Variants in PCDHA1 observed in about 807,000 individuals in gnomAD.
The protein encoded by PCDHA1 is protocadherin alpha 1, also known as protocadherin alpha-1.
A neutral mutation model predicts 61.3 loss-of-function variants in PCDHA1; 42 were observed. The observed-to-expected ratio is 0.69, with a 90% CI of 0.54 to 0.89. PCDHA1 has a LOEUF of 0.89. PCDHA1 is among the 40% of genes least tolerant of loss of function. PCDHA1 has a pLI of 0.00. For synonymous variants in PCDHA1, 610 were observed against 553.8 expected (o/e 1.10, Z -1.43); for missense variants, 1,256 against 1,235.3 (o/e 1.02, Z -0.25).
At chr5:140,872,336 A>G (rs1554166138) in intron 1 of PCDHA1, among the ~76,000 whole-genome samples, 1 of 152,144 alleles carries the variant, frequency 6.6e-6, no homozygotes, top group African/African-American at 2.4e-5. Context: ...CTAAAATTCT[A>G]CATGTTCTTG....
At chr5:140,957,339 TGAGA>T (rs2095352193) in intron 1 of PCDHA1, among the ~76,000 whole-genome samples, 1 of 152,152 alleles carries the variant, frequency 6.6e-6, no homozygotes, top group African/African-American at 2.4e-5. Context: ...TAAGATATTT[TGAGA>T]GAGAGACCAC....
intron 2 of PCDHA1, among the ~76,000 whole-genome samples, chr5:140,981,654 A>ATTTCTTCCTTCC (rs563193906): frequency 2.0e-5 from 3 of 152,026 alleles, no homozygotes; most frequent in Non-Finnish European, 2.9e-5. Context: ...GATCCCACTT[A>ATTTCTTCCTTCC]TTTCTTCCTT....
chr5:140,840,432 C>T (rs1458512943), intron 1 of PCDHA1, among the ~76,000 whole-genome samples: 2 of 151,722 alleles, frequency 1.3e-5, no homozygotes, highest in Non-Finnish European at 2.9e-5. Flanking sequence ...TAGTTTAAAG[C>T]CGTGGAAATA....
At chr5:140,828,179 C>G (rs1377583653) in intron 1 of PCDHA1, 3 of 1,614,168 alleles carry the variant, frequency 1.9e-6, no homozygotes, top group Non-Finnish European at 2.5e-6. Context: ...GGGGAGCGGC[C>G]AGCTCCACTA....
At chr5:140,858,018 C>T in intron 1 of PCDHA1, 1 of 1,596,908 alleles carries the variant, frequency 6.3e-7, no homozygotes, top group Non-Finnish European at 8.6e-7. Context: ...GGCGAGCCGT[C>T]GCTGACGGCC....
At chr5:140,897,130 C>A (rs913808184) in intron 1 of PCDHA1, among the ~76,000 whole-genome samples, 11 of 152,118 alleles carry the variant, frequency 7.2e-5, no homozygotes, top group Non-Finnish European at 5.9e-5. Flanking sequence ...CCCCACTAAA[C>A]TTTCTAGCCT....
intron 3 of PCDHA1, among the ~76,000 whole-genome samples, chr5:140,999,748 G>A (rs1563643254): frequency 1.3e-5 from 2 of 152,188 alleles, no homozygotes; most frequent in South Asian, 2.1e-4. Flanking sequence ...ATCTGGGTTC[G>A]CAGCACATGA....
chr5:140,965,445 G>T (rs1460508023), intron 1 of PCDHA1, among the ~76,000 whole-genome samples: 1 of 151,794 alleles, frequency 6.6e-6, no homozygotes, highest in Non-Finnish European at 1.5e-5. Flanking sequence ...TGAAATTGCT[G>T]GTTATTGTAA....
intron 1 of PCDHA1, chr5:140,816,711 T>C (rs2126674379): frequency 6.6e-6 from 1 of 152,182 alleles, no homozygotes; most frequent in African/African-American, 2.4e-5. Context: ...GGCTAGAGAT[T>C]CTAGGGACCT....
chr5:140,965,331 G>T (rs2153743444), intron 1 of PCDHA1, among the ~76,000 whole-genome samples: 1 of 152,252 alleles, frequency 6.6e-6, no homozygotes, highest in Non-Finnish European at 1.5e-5. Context: ...AAGTGAATTT[G>T]TTGTCTCTGT....
At chr5:140,996,597 C>G (rs183031992) in intron 3 of PCDHA1, among the ~76,000 whole-genome samples, 47 of 152,304 alleles carry the variant, frequency 3.1e-4, no homozygotes, top group African/African-American at 1.1e-3. Context: ...CGCCTCCCCC[C>G]ATTTTCATTT....
At chr5:141,005,718 A>T (rs1554260304) in intron 3 of PCDHA1, among the ~76,000 whole-genome samples, 1 of 149,548 alleles carries the variant, frequency 6.7e-6, no homozygotes, top group Non-Finnish European at 1.5e-5. Context: ...AAAAAAAAAA[A>T]AAAAAAAAAA....
intron 1 of PCDHA1, among the ~76,000 whole-genome samples, chr5:140,973,020 T>A (rs1057155557): frequency 6.6e-6 from 1 of 152,120 alleles, no homozygotes; most frequent in Non-Finnish European, 1.5e-5. Flanking sequence ...TTGTGATTGT[T>A]AATGAGTCAC....
At chr5:140,884,148 A>G in intron 1 of PCDHA1, 3 of 1,613,432 alleles carry the variant, frequency 1.9e-6, no homozygotes, top group Non-Finnish European at 2.5e-6. Context: ...GTGGGGCTGT[A>G]CACTGGCGAG....
intron 1 of PCDHA1, chr5:140,834,491 C>T (rs2150219703): frequency 1.2e-6 from 2 of 1,614,110 alleles, no homozygotes; most frequent in South Asian, 1.1e-5. Context: ...ACTCGGTCCC[C>T]GAGGAGGCTA....
intron 1 of PCDHA1, chr5:140,857,484 G>T (rs1044921765): frequency 6.3e-7 from 1 of 1,598,534 alleles, no homozygotes; most frequent in Admixed American, 1.7e-5. Context: ...GTGTCTGCGT[G>T]GGACGCGGAC....
rs35680913 is a variant in PCDHA1 at position 140,961,887 on chromosome 5, GT to G, written c.2395-17048del. Among the ~76,000 whole-genome samples, 881 of 143,912 alleles carry G rather than the reference GT, an allele frequency of 6.1e-3. 6 individuals carry two copies. The highest frequency in any genetic ancestry group is 0.018 in the African/African-American group (705 of 39,388). The allele number at this position is 143,912 out of a possible 152,430, so 94.4% of individuals were successfully genotyped here. ...ACAGATAATTGACTTACTTACATCA[GT>G]TTTTTTTTTTTTTGAGATGGAGTCT... On this transcript the variant is annotated intron_variant, in intron 1 of 3. Coordinates refer to ENST00000504120, the MANE Select transcript of PCDHA1 (RefSeq NM_018900.4).
intron 1 of PCDHA1, chr5:140,882,928 C>T: frequency 6.2e-7 from 1 of 1,614,140 alleles, no homozygotes; most frequent in Non-Finnish European, 8.5e-7. Context: ...GAGGTAAACC[C>T]GAGCTGACTG....
chr5:140,829,466 G>T lies in PCDHA1; in HGVS notation c.2394+40782G>T, dbSNP rs2150168443. The T allele has an allele frequency of 1.9e-6, 3 of 1,613,882 alleles. No homozygotes were observed. The South Asian group carries it at 3.3e-5, about 18-fold the overall frequency. ...CAATGCTCCGGCGTTCGCGCAGCCC[G>T]AGTACACAGTGTTCGTGAAGGAGAA... On this transcript the variant is annotated intron_variant, in intron 1 of 3. Coordinates refer to ENST00000504120, the MANE Select transcript of PCDHA1 (RefSeq NM_018900.4).
Sources: allele counts gnomAD v4.1 joint callset (sites outside exome capture counted in the v4.1 genomes callset), GRCh38; gene constraint gnomAD v4.1.1; transcripts MANE v1.5; gene names NCBI Gene and HGNC (gene_info 2026-07-23, HGNC 2026-07-21).